EEIG2: variants seen among roughly 807,000 people sequenced by gnomAD.
EEIG2 encodes family with sequence similarity 102 member B.
At chr1:108,600,446 A>G in the EEIG2 span, 1 of 1,164,832 alleles carries the variant, frequency 8.6e-7, no homozygotes, top group Admixed American at 2.5e-5. Context: ...TACACTGTTT[A>G]CAAATACTGG....
the EEIG2 span, among the ~76,000 whole-genome samples, chr1:108,613,194 T>TA: frequency 1.3e-5 from 2 of 152,228 alleles, no homozygotes; most frequent in South Asian, 4.1e-4. Context: ...TATCACAATA[T>TA]AAACTTCTGT....
the EEIG2 span, chr1:108,629,826 A>C: frequency 1.5e-6 from 1 of 671,742 alleles, no homozygotes; most frequent in Non-Finnish European, 2.7e-6. Flanking sequence ...CAGTTTTCTT[A>C]ATTCTGGGTA....
At chr1:108,629,638 A>G in the EEIG2 span, 1 of 1,611,446 alleles carries the variant, frequency 6.2e-7, no homozygotes, top group Non-Finnish European at 8.5e-7. Context: ...AACCTTTGGC[A>G]GTCATCATCT....
chr1:108,617,376 A>G, the EEIG2 span, among the ~76,000 whole-genome samples: 25 of 152,316 alleles, frequency 1.6e-4, no homozygotes, highest in East Asian at 2.1e-3. Flanking sequence ...CAGTAATCCA[A>G]GGTTTTAAGC....
At chr1:108,597,507 A>T in the EEIG2 span, among the ~76,000 whole-genome samples, 1 of 152,222 alleles carries the variant, frequency 6.6e-6, no homozygotes, top group Non-Finnish European at 1.5e-5. Context: ...AGAGGTCTGC[A>T]GTCTGACTAT....
At chr1:108,609,400 A>G in the EEIG2 span, among the ~76,000 whole-genome samples, 2 of 152,160 alleles carry the variant, frequency 1.3e-5, no homozygotes, top group Non-Finnish European at 1.5e-5. Context: ...TACTAAGGAG[A>G]AAAATAGAGG....
chr1:108,583,311 T>C, the EEIG2 span, among the ~76,000 whole-genome samples: 1 of 151,886 alleles, frequency 6.6e-6, no homozygotes, highest in South Asian at 2.1e-4. Context: ...CACCTGCTAA[T>C]ATTGTATTTT....
chr1:108,572,544 C>A, the EEIG2 span, among the ~76,000 whole-genome samples: 1 of 152,172 alleles, frequency 6.6e-6, no homozygotes, highest in South Asian at 2.1e-4. Context: ...AGTTTCACTG[C>A]CCTAAAAATC....
chr1:108,566,604 A>C, the EEIG2 span, among the ~76,000 whole-genome samples: 1 of 152,232 alleles, frequency 6.6e-6, no homozygotes, highest in Non-Finnish European at 1.5e-5. Context: ...CATTATTTAC[A>C]ATAGCCAAGT....
chr1:108,579,793 G>GAGAGAGAA, the EEIG2 span, among the ~76,000 whole-genome samples: 1 of 150,382 alleles, frequency 6.6e-6, no homozygotes, highest in Non-Finnish European at 1.5e-5. Context: ...GAGAGAGAGA[G>GAGAGAGAA]AGAAAGAAAC....
the EEIG2 span, among the ~76,000 whole-genome samples, chr1:108,603,127 G>C: frequency 6.6e-6 from 1 of 152,184 alleles, no homozygotes; most frequent in Non-Finnish European, 1.5e-5. Context: ...TTGGAAGCTA[G>C]TGAGGTAGTA....
the EEIG2 span, chr1:108,600,469 T>A: frequency 1.5e-6 from 2 of 1,370,590 alleles, no homozygotes; most frequent in East Asian, 4.7e-5. Context: ...TTTAACACAT[T>A]ACTTTTGCAT....
the EEIG2 span, among the ~76,000 whole-genome samples, chr1:108,597,172 T>C: frequency 6.6e-6 from 1 of 152,212 alleles, no homozygotes; most frequent in Non-Finnish European, 1.5e-5. Context: ...ATTTTTATTG[T>C]AGGCTGATTT....
chr1:108,634,542 G>A, the EEIG2 span, among the ~76,000 whole-genome samples: 30 of 152,312 alleles, frequency 2.0e-4, no homozygotes, highest in African/African-American at 6.5e-4. Flanking sequence ...ACTTCAGGCA[G>A]TAATGGGCCA....
chr1:108,569,390 G>A, the EEIG2 span, among the ~76,000 whole-genome samples: 21 of 152,166 alleles, frequency 1.4e-4, no homozygotes, highest in Admixed American at 1.3e-3. Context: ...GCAGTGGCAC[G>A]ATGATAGCTC....
the EEIG2 span, among the ~76,000 whole-genome samples, chr1:108,575,908 A>G: frequency 6.6e-6 from 1 of 152,046 alleles, no homozygotes; most frequent in East Asian, 1.9e-4. Context: ...CACAAACAAT[A>G]TACTAAAAGC....
At chr1:108,570,252 A>C in the EEIG2 span, among the ~76,000 whole-genome samples, 1 of 152,142 alleles carries the variant, frequency 6.6e-6, no homozygotes, top group African/African-American at 2.4e-5. Flanking sequence ...AAGGGAACAG[A>C]AGACACAGTG....
the EEIG2 span, among the ~76,000 whole-genome samples, chr1:108,602,658 T>C: frequency 2.6e-5 from 4 of 151,980 alleles, no homozygotes; most frequent in African/African-American, 9.7e-5. Context: ...GGCAGGCAGA[T>C]TGCTTGAGCC....
At chr1:108,564,547 G>A in the EEIG2 span, among the ~76,000 whole-genome samples, 11 of 152,244 alleles carry the variant, frequency 7.2e-5, no homozygotes, top group Middle Eastern at 6.8e-3. Context: ...GCATTTATGC[G>A]GTATGTGGAT....
Sources: allele counts gnomAD v4.1 joint callset (sites outside exome capture counted in the v4.1 genomes callset), GRCh38; gene constraint gnomAD v4.1.1; transcripts MANE v1.5; gene names NCBI Gene and HGNC (gene_info 2026-07-23, HGNC 2026-07-21).